Variants in KCNH3 observed in about 807,000 individuals in gnomAD.
KCNH3 encodes the protein voltage-gated inwardly rectifying potassium channel KCNH3.
Under a neutral mutation model 95.6 loss-of-function variants are expected in KCNH3, and 36 were observed. That is an observed-to-expected ratio of 0.38 (90% CI 0.29 to 0.50). The LOEUF is 0.50. Among genes scored for constraint, KCNH3 ranks in the 20% least tolerant of loss-of-function variants. The probability of loss-of-function intolerance (pLI) is 0.95; values close to 1 mark genes in which losing one functional copy is unlikely to be tolerated. For synonymous variants in KCNH3, 620 were observed against 646.3 expected, an observed-to-expected ratio of 0.96 and a Z score of 0.62; for missense variants, 1,030 against 1,484.1, an observed-to-expected ratio of 0.69 and a Z score of 5.03.
chr12:49,547,398 C>T (rs933495109), intron 7 of KCNH3, among the ~76,000 whole-genome samples: 3 of 152,232 alleles, frequency 2.0e-5, no homozygotes, highest in Non-Finnish European at 4.4e-5. Context: ...GCCTGTCCCT[C>T]CACCAGGAAT....
rs1056658124 is a variant in KCNH3 at position 49,549,258 on chromosome 12, A to C, written c.1468+85A>C. ...GCCGTCCCACTCCCCGGAGGGCCTG[A>C]GGCCGGGGGCTCTTCCGCTTTAGGT... On this transcript the variant is annotated intron_variant, in intron 8 of 14. Transcript: ENST00000257981. The C allele has an allele frequency of 6.0e-6, 9 of 1,494,790 alleles. No individual in the cohort carries two copies. In the African/African-American group the frequency reaches 1.3e-4, roughly 21 times the overall value. 92.6% of individuals were successfully genotyped at this position (1,494,790 alleles called of 1,614,324 possible).
rs533890711 is a variant in KCNH3 at position 49,550,211 on chromosome 12, C to T, written c.1800C>T (p.Pro600=). ...GGGCACTGTCTCTGGCCCTGCGGCC[C>T]GCCTTCTGCACGCCGGGCGAGTACC... ...CLRALSLALR[P]AFCTPGEYLI... Residue 600 remains proline (P), a synonymous_variant, in exon 10 of 15, where the codon CCC becomes CCT. Transcript: ENST00000257981. 19 of 1,609,504 alleles carry T rather than the reference C, an allele frequency of 1.2e-5. No individual in the cohort carries two copies. Among genetic ancestry groups the T allele is most frequent in the African/African-American group, 1.1e-4 (8 of 75,084 alleles).
rs1029709425 is a variant in KCNH3, at chr12:49,558,284, AAAAAT to A, written c.*340_*344del. ...TCCCCAAATTTTTATATTAAAAAAA[AAAAAT>A]AAAATAAACTACTTTGGAACCTGGT... On this transcript the variant is annotated 3_prime_UTR_variant, in exon 15 of 15. Coordinates refer to ENST00000257981, the MANE Select transcript of KCNH3 (RefSeq NM_012284.3). The A allele has an allele frequency of 1.2e-4, 48 of 394,768 alleles. No individual in the cohort carries two copies. Among genetic ancestry groups the A allele is most frequent in the Non-Finnish European group, 1.5e-4 (34 of 224,882 alleles). 24.5% of individuals were successfully genotyped at this position (394,768 alleles called of 1,614,324 possible). A position where few individuals can be genotyped will look rare whatever the true frequency, so the allele number is the denominator to read the frequency against.
At chr12:49,557,127 A>G (rs1355012059) in intron 13 of KCNH3, 56 bp from the exon 14 acceptor site, 3 of 1,565,924 alleles carry the variant, frequency 1.9e-6, no homozygotes, top group African/African-American at 1.4e-5. Flanking sequence ...TAGACCCCCA[A>G]ATTGCCTATC....
At chr12:49,546,740 C>T (rs1938075516) in intron 7 of KCNH3, among the ~76,000 whole-genome samples, 1 of 152,186 alleles carries the variant, frequency 6.6e-6, no homozygotes, top group African/African-American at 2.4e-5. Flanking sequence ...TGCTGATGCC[C>T]CATGGCCAAG....
chr12:49,556,596 T>A (rs1592513432), intron 13 of KCNH3, 120 bp downstream of exon 13: 2 of 776,094 alleles, frequency 2.6e-6, no homozygotes, highest in East Asian at 5.3e-5. Flanking sequence ...CTGGAGGCCG[T>A]CTCACCCCAC....
intron 10 of KCNH3, among the ~76,000 whole-genome samples, chr12:49,551,594 AAAAAG>A (rs1488822114): frequency 7.3e-5 from 11 of 151,566 alleles, no homozygotes; most frequent in South Asian, 2.1e-4. Context: ...AAAAAAAAAA[AAAAAG>A]AAAAGCCACT....
At chr12:49,549,715 T>C (rs1459749831) in intron 9 of KCNH3, 75 bp downstream of exon 9, 10 of 1,397,934 alleles carry the variant, frequency 7.2e-6, no homozygotes, top group African/African-American at 2.9e-5. Context: ...TTATCAGGAG[T>C]GGGGGAGGAT....
chr12:49,556,665 C>A lies in KCNH3; in HGVS notation c.2575+189C>A, dbSNP rs539456979. On this transcript the variant is annotated intron_variant, in intron 13 of 14. Coordinates refer to ENST00000257981, the MANE Select transcript of KCNH3 (RefSeq NM_012284.3). ...GTGGTGAAGACCAGCACTTTAATTT[C>A]GACGCAGCCAGGAACTGGGTTTATA... 367 of 701,130 alleles carry A rather than the reference C, an allele frequency of 5.2e-4. 2 individuals carry two copies. Among genetic ancestry groups the A allele is most frequent in the South Asian group, 2.5e-3 (168 of 66,752 alleles). 43.4% of individuals were successfully genotyped at this position (701,130 alleles called of 1,614,324 possible).
Position 49,553,724 on chromosome 12 carries a change from G to A in KCNH3, c.1919-613G>A, listed in dbSNP as rs561796068. On this transcript the variant is annotated intron_variant, in intron 10 of 14. Transcript: ENST00000257981. Reference sequence around the variant, plus strand: ...GGAAAACCTCCATTGACCCCTTCTGGTGAGATCAAGAATATTCCCTAGACT... The same window carrying A: ...GGAAAACCTCCATTGACCCCTTCTGATGAGATCAAGAATATTCCCTAGACT... 5.0e-4 allele frequency among the ~76,000 whole-genome samples: 76 copies of A among 152,224 alleles called. 1 individual carries two copies. In the South Asian group the frequency reaches 5.6e-3, roughly 11 times the overall value.
intron 13 of KCNH3, 132 bp from the exon 14 acceptor site, chr12:49,557,051 G>C (rs1938484898): frequency 1.1e-6 from 1 of 890,834 alleles, no homozygotes; most frequent in Non-Finnish European, 1.8e-6. Context: ...CCTTGGGCAA[G>C]GCCAGAAGAG....
Position 49,549,503 on chromosome 12 carries a change from C to T in KCNH3, c.1531C>T (p.Arg511Cys). 2 of 1,613,736 alleles carry T rather than the reference C, an allele frequency of 1.2e-6. No homozygotes were observed. The highest frequency in any genetic ancestry group is 1.7e-6 in the Non-Finnish European group (2 of 1,180,030). The change falls in exon 9 of 15, where the codon CGC (arginine) becomes TGC (cysteine). Residue 511 changes from arginine (R) to cysteine (C), a missense_variant. By Grantham distance (180) the Arg-to-Cys change is radical. This residue lies in a region of KCNH3 where 160 missense variants were observed against 316.2 expected (regional missense o/e 0.51). Transcript: ENST00000257981. ...CATCATCCAGCGCATGTACGCCCGC[C>T]GCTTTCTGTACCACAGCCGCACGCG... ...TAIIQRMYAR[R>C]FLYHSRTRDL...
At chr12:49,542,625 C>A in intron 3 of KCNH3, 81 bp from the exon 4 acceptor site, 1 of 1,450,388 alleles carries the variant, frequency 6.9e-7, no homozygotes, top group Non-Finnish European at 9.2e-7. Context: ...CATGGGCCAG[C>A]AACTGTGTCC....
chr12:49,553,273 T>C (rs974963165), intron 10 of KCNH3, among the ~76,000 whole-genome samples: 1 of 152,116 alleles, frequency 6.6e-6, no homozygotes, highest in Non-Finnish European at 1.5e-5. Context: ...ATAGCTGAGA[T>C]TGCAGGTGCA....
rs1937815512 is a variant in KCNH3 at position 49,539,959 on chromosome 12, G to A, written c.76+467G>A. ...GGCGGCACTCGGGAGAGCACCGTGT[G>A]TCCAAGCCCCGTGTCTCATAGCCTG... On this transcript the variant is annotated intron_variant, in intron 1 of 14. Transcript: ENST00000257981. This position sits in a 1 kb window ranked among gnomAD's most constrained non-coding sequence, Gnocchi z 6.7. Among the ~76,000 whole-genome samples, 1 of 152,170 alleles carries A rather than the reference G, an allele frequency of 6.6e-6. No homozygotes were observed. Among genetic ancestry groups the A allele is most frequent in the African/African-American group, 2.4e-5 (1 of 41,438 alleles).
chr12:49,549,119 T>C lies in KCNH3; in HGVS notation c.1414T>C (p.Ser472Pro). 1 of 1,612,132 alleles carries C rather than the reference T, an allele frequency of 6.2e-7. No individual in the cohort carries two copies. Among genetic ancestry groups the C allele is most frequent in the Non-Finnish European group, 8.5e-7 (1 of 1,179,510 alleles). Residue 472 changes from serine to proline, a missense_variant, in exon 8 of 15, where the codon TCC (serine) becomes CCC (proline). Ser to Pro is a moderately conservative substitution (Grantham distance 74). Coordinates refer to ENST00000257981, the MANE Select transcript of KCNH3 (RefSeq NM_012284.3). ...SLTSVGFGNVSANTDTEKIFS... is the reference protein window; with the variant it reads ...SLTSVGFGNVPANTDTEKIFS... ...CACCAGCGTGGGCTTCGGCAACGTG[T>C]CCGCCAACACGGACACCGAGAAGAT...
chr12:49,540,941 T>A lies in KCNH3; in HGVS notation c.119T>A (p.Phe40Tyr). ...VLGNAQVAGL[F>Y]PVVYCSDGFC... ...GGCAACGCCCAGGTGGCGGGGCTCTTCCCCGTGGTCTACTGCTCTGATGGC... is the reference window on the plus strand; with the variant it reads ...GGCAACGCCCAGGTGGCGGGGCTCTACCCCGTGGTCTACTGCTCTGATGGC... The change falls in exon 2 of 15, where the codon TTC becomes TAC. Residue 40 changes from phenylalanine (F) to tyrosine (Y), a missense_variant. By Grantham distance (22) the Phe-to-Tyr change is conservative. Coordinates refer to ENST00000257981, the MANE Select transcript of KCNH3 (RefSeq NM_012284.3). 1.2e-6 allele frequency: 2 copies of A among 1,614,180 alleles called. No individual in the cohort carries two copies. The highest frequency in any genetic ancestry group is 1.7e-5 in the Admixed American group (1 of 60,034).
At chr12:49,547,162 G>A (rs1037748023) in intron 7 of KCNH3, among the ~76,000 whole-genome samples, 1 of 152,042 alleles carries the variant, frequency 6.6e-6, no homozygotes, top group African/African-American at 2.4e-5. Context: ...CAAAGTGCTG[G>A]GATTACATGC....
rs773141141 is a variant in KCNH3, at chr12:49,539,529, C to T, written c.76+37C>T. 5 of 1,557,748 alleles carry T rather than the reference C, an allele frequency of 3.2e-6. No individual in the cohort carries two copies. The highest frequency in any genetic ancestry group is 2.8e-5 in the African/African-American group (2 of 71,618). ...CCTCGCCCACTTGCACCCGGGCCGCCGGACCCTCGCCAGGGCTCCCGCCTT... is the reference window on the plus strand; with the variant it reads ...CCTCGCCCACTTGCACCCGGGCCGCTGGACCCTCGCCAGGGCTCCCGCCTT... On this transcript the variant is annotated intron_variant, in intron 1 of 14. Transcript: ENST00000257981. The surrounding 1 kb of genome is among the most constrained non-coding windows in gnomAD (Gnocchi z 6.7).
Sources: allele counts gnomAD v4.1 joint callset (sites outside exome capture counted in the v4.1 genomes callset), GRCh38; gene constraint gnomAD v4.1.1; regional missense constraint gnomAD v4.1.1; non-coding constraint Gnocchi (gnomAD v3.1); transcripts MANE v1.5; gene names NCBI Gene and HGNC (gene_info 2026-07-23, HGNC 2026-07-21).